Variants in WDR64 observed in about 807,000 individuals in gnomAD.
WDR64 encodes the protein WD repeat-containing protein 64.
Under a neutral mutation model 139.3 loss-of-function variants are expected in WDR64, and 112 were observed. The ratio of observed to expected loss-of-function variants is 0.80; its 90% confidence interval spans 0.69 to 0.94. WDR64 has a LOEUF of 0.94. Among genes scored for constraint, WDR64 ranks in the 40% least tolerant of loss-of-function variants. The pLI, the probability that WDR64 is intolerant of heterozygous loss-of-function variation, is 0.00. For missense variants in WDR64, 1,206 were observed against 1,293.1 expected (o/e 0.93, Z 1.03); for synonymous variants, 444 against 437.7 (o/e 1.01, Z -0.18).
chr1:241,665,319 A>G (rs1282945570), intron 2 of WDR64, among the ~76,000 whole-genome samples: 1 of 152,214 alleles, frequency 6.6e-6, no homozygotes, highest in Non-Finnish European at 1.5e-5. Context: ...CATGTGAGCT[A>G]AACTTTCTGG....
intron 9 of WDR64, among the ~76,000 whole-genome samples, 155 bp from the exon 10 acceptor site, chr1:241,723,142 C>A (rs1421871797): frequency 6.6e-6 from 1 of 152,176 alleles, no homozygotes; most frequent in Non-Finnish European, 1.5e-5. Context: ...CCAAGGCCAG[C>A]CCCTTAGCAC....
intron 15 of WDR64, among the ~76,000 whole-genome samples, chr1:241,762,614 A>C (rs569514756): frequency 1.8e-4 from 28 of 152,286 alleles, no homozygotes; most frequent in Middle Eastern, 6.8e-3. Context: ...TTCAGCTTTT[A>C]GAGAGATAAG....
intron 16 of WDR64, among the ~76,000 whole-genome samples, chr1:241,767,065 C>T (rs982359896): frequency 6.6e-6 from 1 of 152,180 alleles, no homozygotes; most frequent in African/African-American, 2.4e-5. Context: ...CCCTACATGC[C>T]TGAAACATCT....
At chr1:241,795,357 T>C in intron 26 of WDR64, 70 bp downstream of exon 26, 10 of 1,401,694 alleles carry the variant, frequency 7.1e-6, no homozygotes, top group Admixed American at 2.0e-5. Flanking sequence ...TTCCTGACCC[T>C]GGGCTACCAA....
chr1:241,661,360 G>T (rs1241695449), intron 2 of WDR64, among the ~76,000 whole-genome samples: 1 of 151,608 alleles, frequency 6.6e-6, no homozygotes. Context: ...AATAAATTAT[G>T]ATATAATAAA....
At chr1:241,702,842 A>G (rs1667773399) in intron 8 of WDR64, among the ~76,000 whole-genome samples, 1 of 152,206 alleles carries the variant, frequency 6.6e-6, no homozygotes, top group Admixed American at 6.5e-5. Flanking sequence ...TGTGTTATCT[A>G]TGATTGTTTT....
chr1:241,793,598 C>T (rs1467035913), intron 25 of WDR64, among the ~76,000 whole-genome samples: 1 of 152,014 alleles, frequency 6.6e-6, no homozygotes, highest in Non-Finnish European at 1.5e-5. Context: ...AAAACTTTAC[C>T]TTTCTGTCCA....
chr1:241,680,430 C>T (rs1020721012), intron 6 of WDR64, among the ~76,000 whole-genome samples: 6 of 152,142 alleles, frequency 3.9e-5, no homozygotes. Flanking sequence ...GTGTTATAGA[C>T]CAGGTTTTAT....
At chr1:241,694,439 T>C (rs992898876) in intron 8 of WDR64, among the ~76,000 whole-genome samples, 11 of 152,172 alleles carry the variant, frequency 7.2e-5, no homozygotes, top group African/African-American at 2.7e-4. Flanking sequence ...TCCACAAATA[T>C]CATTTATATG....
intron 9 of WDR64, among the ~76,000 whole-genome samples, chr1:241,719,337 GT>G (rs1668517959): frequency 6.6e-6 from 1 of 152,088 alleles, no homozygotes; most frequent in Non-Finnish European, 1.5e-5. Flanking sequence ...AACAAGTCCT[GT>G]CCTCAAGGCA....
At chr1:241,702,193 G>A (rs1015026154) in intron 8 of WDR64, among the ~76,000 whole-genome samples, 4 of 152,148 alleles carry the variant, frequency 2.6e-5, no homozygotes, top group African/African-American at 9.7e-5. Context: ...TAACTACTCA[G>A]CATTACTTTT....
intron 2 of WDR64, among the ~76,000 whole-genome samples, chr1:241,661,451 T>C (rs923343699): frequency 5.3e-5 from 8 of 151,996 alleles, no homozygotes; most frequent in African/African-American, 1.9e-4. Context: ...AGGAAAAAAT[T>C]GCAAATGAAA....
intron 23 of WDR64, among the ~76,000 whole-genome samples, chr1:241,785,601 G>T (rs1236369361): frequency 1.3e-5 from 2 of 152,084 alleles, no homozygotes; most frequent in Non-Finnish European, 2.9e-5. Flanking sequence ...TTAATTTTAT[G>T]ATTTCTTACA....
At chr1:241,785,084 T>C (rs1346154155) in intron 23 of WDR64, among the ~76,000 whole-genome samples, 1 of 152,124 alleles carries the variant, frequency 6.6e-6, no homozygotes, top group Admixed American at 6.6e-5. Context: ...CAGCTTATTT[T>C]CAGCTACCTA....
At chr1:241,758,655 T>C (rs1430501105) in intron 15 of WDR64, among the ~76,000 whole-genome samples, 1 of 152,156 alleles carries the variant, frequency 6.6e-6, no homozygotes, top group Non-Finnish European at 1.5e-5. Context: ...CTACTATTAT[T>C]ATTGATGCCC....
At chr1:241,688,573 A>G (rs1272621715) in intron 8 of WDR64, among the ~76,000 whole-genome samples, 1 of 152,178 alleles carries the variant, frequency 6.6e-6, no homozygotes, top group African/African-American at 2.4e-5. Context: ...TAAAAATGTA[A>G]CAAACTAAAA....
chr1:241,728,191 G>A (rs1462699333), intron 10 of WDR64, among the ~76,000 whole-genome samples: 1 of 147,110 alleles, frequency 6.8e-6, no homozygotes, highest in Non-Finnish European at 1.5e-5. Flanking sequence ...AAATTAGCCT[G>A]GCATGGTGGT....
intron 15 of WDR64, among the ~76,000 whole-genome samples, chr1:241,764,756 G>A (rs1395033873): frequency 1.3e-5 from 2 of 152,182 alleles, no homozygotes; most frequent in Non-Finnish European, 2.9e-5. Flanking sequence ...AAATATCTAG[G>A]CAGTAAAAGT....
rs1030321456 is a variant in WDR64 at position 241,699,965 on chromosome 1, G to A, written c.975-11837G>A. 4.6e-5 allele frequency among the ~76,000 whole-genome samples: 7 copies of A among 151,998 alleles called. 1 individual carries two copies. Among genetic ancestry groups the A allele is most frequent in the Admixed American group, 1.3e-4 (2 of 15,258 alleles). ...AGCAGATCACCCTAACAGCAGAGCGGAGAATGGATTGGGGAAGGGCAAGCT... is the reference window on the plus strand; with the variant it reads ...AGCAGATCACCCTAACAGCAGAGCGAAGAATGGATTGGGGAAGGGCAAGCT... On this transcript the variant is annotated intron_variant, in intron 8 of 27. Coordinates refer to ENST00000437684, the MANE Select transcript of WDR64 (RefSeq NM_001367482.1).
Sources: gnomAD v4.1 joint callset for allele counts (sites outside exome capture counted in the v4.1 genomes callset) on GRCh38, gnomAD v4.1.1 for gene constraint, MANE v1.5 for transcripts, NCBI Gene and HGNC (gene_info 2026-07-23, HGNC 2026-07-21) for gene names.